Variants in EPB42 observed in about 807,000 individuals in gnomAD.
The protein encoded by EPB42 is protein 4.2.
EPB42 carries 49 observed loss-of-function variants against 76.9 expected under a neutral mutation model. The ratio of observed to expected loss-of-function variants is 0.64; its 90% CI spans 0.51 to 0.81. The LOEUF is 0.81. Ranked by LOEUF, EPB42 falls within the 30% of genes least tolerant of loss-of-function variation. The probability of loss-of-function intolerance (pLI) is 0.00; values close to 1 mark genes in which losing one functional copy is unlikely to be tolerated. For missense variants in EPB42, 731 were observed against 867.6 expected (o/e 0.84, Z 1.98); for synonymous variants, 310 against 338.4 (o/e 0.92, Z 0.92).
intron 5 of EPB42, 30 bp from the exon 6 acceptor site, chr15:43,209,481 T>C: frequency 6.3e-7 from 1 of 1,596,896 alleles, no homozygotes; most frequent in Non-Finnish European, 8.5e-7. Flanking sequence ...GATGTCAGTA[T>C]GAGTCCCTTG....
intron 5 of EPB42, 115 bp from the exon 6 acceptor site, chr15:43,209,566 AT>A (rs2142294905): frequency 8.4e-7 from 1 of 1,186,040 alleles, no homozygotes; most frequent in East Asian, 2.4e-5. Context: ...GATCCCCAGC[AT>A]TAGAGCCACC....
intron 12 of EPB42, among the ~76,000 whole-genome samples, chr15:43,199,209 C>T (rs1415104916): frequency 1.3e-5 from 2 of 152,226 alleles, no homozygotes; most frequent in East Asian, 1.9e-4. Flanking sequence ...ACAACTTGCA[C>T]TGTCTGCCTG....
chr15:43,205,518 G>C (rs147445863), intron 10 of EPB42, among the ~76,000 whole-genome samples: 2 of 152,134 alleles, frequency 1.3e-5, no homozygotes, highest in African/African-American at 4.8e-5. Context: ...TCCTGCCTCA[G>C]TCTCCCCAGT....
intron 10 of EPB42, among the ~76,000 whole-genome samples, chr15:43,205,791 C>T (rs2042193761): frequency 6.6e-6 from 1 of 152,162 alleles, no homozygotes; most frequent in African/African-American, 2.4e-5. Flanking sequence ...AATTTAAAAA[C>T]AATTGTTCTG....
chr15:43,221,527 C>G (rs149810873), upstream of EPB42, among the ~76,000 whole-genome samples: 140 of 152,304 alleles, frequency 9.2e-4, 3 homozygotes, highest in East Asian at 0.017. Context: ...GACTCAGGCC[C>G]TATGTCTTTT....
At chr15:43,220,241 A>G (rs1360770505) in intron 1 of EPB42, among the ~76,000 whole-genome samples, 1 of 152,044 alleles carries the variant, frequency 6.6e-6, no homozygotes, top group East Asian at 1.9e-4. Context: ...CCAGGATATA[A>G]TAATTCCTGC....
Position 43,209,334 on chromosome 15 carries a change from C to G in EPB42, c.772G>C (p.Gly258Arg). 6.2e-7 allele frequency: 1 copy of G among 1,614,086 alleles called. No homozygotes were observed. Among genetic ancestry groups the G allele is most frequent in the Non-Finnish European group, 8.5e-7 (1 of 1,180,022 alleles). Residue 258 changes from glycine (G) to arginine (R), a missense_variant, in exon 6 of 13, where the codon GGC (glycine) becomes CGC (arginine). By Grantham distance (125) the Gly-to-Arg change is moderately radical. Coordinates refer to ENST00000441366, the MANE Select transcript of EPB42 (RefSeq NM_001114134.2). ...CCATCATACACAGGTCGGCCTCGGC[C>G]GGTGAGCCACTGCCGCAGGATGGGC... Reference protein sequence around the residue: ...SVPILRQWLTGRGRPVYDGQA... With the variant: ...SVPILRQWLTRRGRPVYDGQA...
Position 43,211,518 on chromosome 15 carries a change from C to G in EPB42, c.447G>C (p.Leu149=), listed in dbSNP as rs2042296132. 1.2e-6 allele frequency: 2 copies of G among 1,613,366 alleles called. No individual in the cohort carries two copies. The highest frequency in any genetic ancestry group is 2.2e-5 in the South Asian group (2 of 91,070). ...ACTCCATGCGCTGAGCCTCATTCTTCAGGAACACAGCATCCTCTGGTGAGA... is the reference window on the plus strand; with the variant it reads ...ACTCCATGCGCTGAGCCTCATTCTTGAGGAACACAGCATCCTCTGGTGAGA... ...NPWNREDAVF[L]KNEAQRMEYL... The change falls in exon 4 of 13, where the codon CTG becomes CTC. Residue 149 remains leucine, a synonymous_variant. Coordinates refer to ENST00000441366, the MANE Select transcript of EPB42 (RefSeq NM_001114134.2).
At chr15:43,209,544 C>A (rs1029058213) in intron 5 of EPB42, 93 bp from the exon 6 acceptor site, 7 of 1,367,564 alleles carry the variant, frequency 5.1e-6, no homozygotes, top group Middle Eastern at 1.9e-4. Flanking sequence ...AGTACTCCAA[C>A]CATGGTGAAC....
At position 43,201,990 on chromosome 15, in the gene EPB42, G is replaced by A. The variant is rs1209186279; in HGVS notation, c.1780-13C>T. 1.2e-6 allele frequency: 2 copies of A among 1,613,856 alleles called. No homozygotes were observed. The highest frequency in any genetic ancestry group is 4.5e-5 in the East Asian group (2 of 44,886). On this transcript the variant is annotated splice_polypyrimidine_tract_variant and intron_variant, in intron 11 of 12. Transcript: ENST00000441366. ...CTTTCTCTGGCATCTGTGGGAAGAG[G>A]CAATACCTGGTGTGGATGCCAAGGG...
intron 3 of EPB42, among the ~76,000 whole-genome samples, chr15:43,213,823 G>A (rs1034759439): frequency 6.6e-6 from 1 of 152,238 alleles, no homozygotes; most frequent in Non-Finnish European, 1.5e-5. Context: ...AGGAAATAAG[G>A]GCCTGAGCTG....
intron 5 of EPB42, chr15:43,209,674 C>A (rs1343784880): frequency 3.8e-6 from 2 of 525,504 alleles, no homozygotes; most frequent in Non-Finnish European, 6.7e-6. Flanking sequence ...TTAACAAGTT[C>A]TCTGGCTCCA....
chr15:43,204,969 C>G (rs1391027254), intron 10 of EPB42, among the ~76,000 whole-genome samples: 1 of 142,652 alleles, frequency 7.0e-6, no homozygotes, highest in East Asian at 2.3e-4. Context: ...CCTCCGCCCC[C>G]CCCCCAAAAA....
chr15:43,209,821 A>G (rs1451267764), intron 5 of EPB42, among the ~76,000 whole-genome samples: 2 of 152,194 alleles, frequency 1.3e-5, no homozygotes, highest in African/African-American at 4.8e-5. Context: ...TTCAACTCAC[A>G]GGCTGGCCTG....
Position 43,206,573 on chromosome 15 carries a change from C to T in EPB42, c.1375G>A (p.Glu459Lys), listed in dbSNP as rs747441833. 1.9e-6 allele frequency: 3 copies of T among 1,614,208 alleles called. No individual in the cohort carries two copies. Among genetic ancestry groups the T allele is most frequent in the South Asian group, 2.2e-5 (2 of 91,078 alleles). ...ERVEKEKMER[E>K]KDNGIRPPSL... ...GGAGGACGGATGCCGTTGTCTTTCT[C>T]ACGTTCCATTTTCTCTTTCTCGACT... The change falls in exon 10 of 13, where the codon GAG becomes AAG. Residue 459 changes from glutamate to lysine, a missense_variant. Glu to Lys is a moderately conservative substitution (Grantham distance 56). Coordinates refer to ENST00000441366, the MANE Select transcript of EPB42 (RefSeq NM_001114134.2). The surrounding 1 kb of genome is among the most constrained non-coding windows in gnomAD (Gnocchi z 4.7).
At chr15:43,222,571 T>C (rs1380072004), upstream of EPB42, among the ~76,000 whole-genome samples, 1 of 152,180 alleles carries the variant, frequency 6.6e-6, no homozygotes, top group African/African-American at 2.4e-5. Context: ...AACACCAAGA[T>C]TGTTTTTTGA....
Position 43,208,413 on chromosome 15 carries a change from C to T in EPB42, c.972-80G>A. On this transcript the variant is annotated intron_variant, in intron 7 of 12. Coordinates refer to ENST00000441366, the MANE Select transcript of EPB42 (RefSeq NM_001114134.2). ...GTTCTGGAAATGCAGCCTGGCAGAG[C>T]TGTTGTTGTTCCAGTGGGATGGGAG... is the stretch of plus-strand genomic sequence containing the variant. 4 of 1,505,984 alleles carry T rather than the reference C, an allele frequency of 2.7e-6. No homozygotes were observed. In the South Asian group the frequency reaches 4.5e-5, roughly 17 times the overall value. The allele number at this position is 1,505,984 out of a possible 1,614,324, so 93.3% of individuals were successfully genotyped here. A position where few individuals can be genotyped will look rare whatever the true frequency, so the allele number is the denominator to read the frequency against.
chr15:43,203,328 A>C (rs1596404561), intron 10 of EPB42, 53 bp from the exon 11 acceptor site: 17 of 1,609,310 alleles, frequency 1.1e-5, no homozygotes, highest in African/African-American at 1.3e-5. Context: ...TACCCCAGAA[A>C]CAGCCATAGT....
At chr15:43,212,995 TAA>T (rs1455360164) in intron 3 of EPB42, among the ~76,000 whole-genome samples, 2 of 152,108 alleles carry the variant, frequency 1.3e-5, no homozygotes, top group Non-Finnish European at 2.9e-5. Context: ...AACAGAAGGA[TAA>T]GACACCAGAA....
Sources: allele counts gnomAD v4.1 joint callset (sites outside exome capture counted in the v4.1 genomes callset), GRCh38; gene constraint gnomAD v4.1.1; non-coding constraint Gnocchi (gnomAD v3.1); transcripts MANE v1.5; gene names NCBI Gene and HGNC (gene_info 2026-07-23, HGNC 2026-07-21).